GALNT18: variants seen among roughly 807,000 people sequenced by gnomAD.
GALNT18 encodes the protein GalNAc-transferase 18.
Under a neutral mutation model 69.5 loss-of-function variants are expected in GALNT18, and 44 were observed. The observed-to-expected ratio is 0.63, with a 90% confidence interval of 0.50 to 0.81. The LOEUF (loss-of-function observed/expected upper bound fraction) is 0.81. Ranked by LOEUF, GALNT18 falls within the 40% of genes least tolerant of loss-of-function variation. The pLI is 0.00. For synonymous variants in GALNT18, 364 were observed against 318.2 expected (o/e 1.14, Z -1.53); for missense variants, 715 against 810.0 (o/e 0.88, Z 1.42).
intron 3 of GALNT18, among the ~76,000 whole-genome samples, chr11:11,419,183 C>T (rs1223560010): frequency 6.6e-6 from 1 of 152,232 alleles, no homozygotes; most frequent in Non-Finnish European, 1.5e-5. Flanking sequence ...CAGAGTCAGC[C>T]ATGGGGCCAT....
chr11:11,467,132 T>C (rs1048257554), intron 1 of GALNT18, among the ~76,000 whole-genome samples: 11 of 152,232 alleles, frequency 7.2e-5, no homozygotes, highest in African/African-American at 2.6e-4. Context: ...GGGGAGAAGA[T>C]AGACATCACC....
intron 1 of GALNT18, among the ~76,000 whole-genome samples, chr11:11,560,203 A>ACGATGGGATGGGGTG (rs1565012928): frequency 0.037 from 90 of 2,448 alleles, no homozygotes; most frequent in South Asian, 0.047. Context: ...TGGGTGAGAT[A>ACGATGGGATGGGGTG]GAATAGAATG....
rs1439333696 is a variant in GALNT18, at chr11:11,356,729, T to C, written c.1093-15725A>G. Among the ~76,000 whole-genome samples the C allele has an allele frequency of 6.6e-6, 1 of 152,174 alleles. No homozygotes were observed. The highest frequency in any genetic ancestry group is 1.5e-5 in the Non-Finnish European group (1 of 68,034). On this transcript the variant is annotated intron_variant, in intron 6 of 10. Coordinates refer to ENST00000227756, the MANE Select transcript of GALNT18 (RefSeq NM_198516.3). This position sits in a 1 kb window ranked among gnomAD's most constrained non-coding sequence, Gnocchi z 4.4. Reference sequence around the variant, plus strand: ...ATCTCTCTTTTATACAGCTCCCTCATTGAATGCAATTGAAAAAACCAAAGT... The same window carrying C: ...ATCTCTCTTTTATACAGCTCCCTCACTGAATGCAATTGAAAAAACCAAAGT...
intron 1 of GALNT18, among the ~76,000 whole-genome samples, chr11:11,532,376 A>G (rs888383772): frequency 2.6e-5 from 4 of 152,222 alleles, no homozygotes; most frequent in African/African-American, 9.6e-5. Context: ...TCTTCGGATA[A>G]CTATCCTGAA....
intron 6 of GALNT18, among the ~76,000 whole-genome samples, chr11:11,361,158 A>G (rs1850636689): frequency 6.6e-6 from 1 of 152,370 alleles, no homozygotes; most frequent in Non-Finnish European, 1.5e-5. Context: ...TGTTTGAAGG[A>G]TGAATGAATG....
At chr11:11,485,023 G>A (rs1348377885) in intron 1 of GALNT18, among the ~76,000 whole-genome samples, 1 of 152,204 alleles carries the variant, frequency 6.6e-6, no homozygotes, top group Non-Finnish European at 1.5e-5. Flanking sequence ...ACATTTCCAA[G>A]CCATCGGTGA....
intron 10 of GALNT18, among the ~76,000 whole-genome samples, chr11:11,283,230 A>G (rs928242697): frequency 7.2e-5 from 11 of 152,042 alleles, no homozygotes; most frequent in African/African-American, 2.7e-4. Flanking sequence ...TCTCGGCTCA[A>G]TGCAATCCCA....
rs905815795 is a variant in GALNT18 at position 11,396,447 on chromosome 11, G to A, written c.596-17183C>T. On this transcript the variant is annotated intron_variant, in intron 3 of 10. Transcript: ENST00000227756. The surrounding 1 kb of genome is among the most constrained non-coding windows in gnomAD (Gnocchi z 5.2). ...CAGGGATGATGGAGAAAGAATTCACGTGTGGGAGGTACCGATGAATCAGAC... is the reference window on the plus strand; with the variant it reads ...CAGGGATGATGGAGAAAGAATTCACATGTGGGAGGTACCGATGAATCAGAC... Among the ~76,000 whole-genome samples the A allele has an allele frequency of 2.0e-5, 3 of 152,138 alleles. No individual in the cohort carries two copies. The highest frequency in any genetic ancestry group is 7.2e-5 in the African/African-American group (3 of 41,430).
intron 1 of GALNT18, among the ~76,000 whole-genome samples, chr11:11,594,766 C>T (rs1339622163): frequency 6.9e-6 from 1 of 145,826 alleles, no homozygotes; most frequent in Non-Finnish European, 1.5e-5. Context: ...ATTGCTATAA[C>T]CATTTGTGTA....
chr11:11,594,216 C>A (rs1466988607), intron 1 of GALNT18, among the ~76,000 whole-genome samples: 1 of 152,214 alleles, frequency 6.6e-6, no homozygotes, highest in Non-Finnish European at 1.5e-5. Context: ...GTCTTAAATG[C>A]AGAAATGCTT....
chr11:11,490,028 A>C (rs1195101076), intron 1 of GALNT18, among the ~76,000 whole-genome samples: 1 of 152,186 alleles, frequency 6.6e-6, no homozygotes, highest in Non-Finnish European at 1.5e-5. Flanking sequence ...CCAATGTGAC[A>C]GTGTTGGAAC....
At position 11,340,397 on chromosome 11, in the gene GALNT18, T is replaced by C. The variant is rs926917614; in HGVS notation, c.1278+422A>G. ...TTTATAACTCTGGTCAAAGGTTCAA[T>C]GGAGAAGTTTGAACCTAATCTGTAG... On this transcript the variant is annotated intron_variant, in intron 7 of 10. Transcript: ENST00000227756. The surrounding 1 kb of genome is among the most constrained non-coding windows in gnomAD (Gnocchi z 4.2). Among the ~76,000 whole-genome samples the C allele has an allele frequency of 2.4e-4, 36 of 148,894 alleles. No homozygotes were observed. The highest frequency in any genetic ancestry group is 6.7e-4 in the Admixed American group (10 of 14,862).
chr11:11,287,726 A>G (rs1849219376), intron 10 of GALNT18, among the ~76,000 whole-genome samples: 1 of 152,200 alleles, frequency 6.6e-6, no homozygotes, highest in African/African-American at 2.4e-5. Flanking sequence ...CACTGAAGGC[A>G]ACAACTGCCA....
intron 1 of GALNT18, among the ~76,000 whole-genome samples, chr11:11,491,829 C>A (rs1400502704): frequency 6.6e-6 from 1 of 152,148 alleles, no homozygotes; most frequent in African/African-American, 2.4e-5. Flanking sequence ...GACCTCTGAG[C>A]CAGTCACTCC....
chr11:11,392,773 C>T (rs764002052), intron 3 of GALNT18, among the ~76,000 whole-genome samples: 5 of 152,182 alleles, frequency 3.3e-5, no homozygotes, highest in African/African-American at 1.2e-4. Context: ...TCTGCAAGTT[C>T]AACAGCATTA....
Position 11,435,435 on chromosome 11 carries a change from T to C in GALNT18, c.429-2648A>G, listed in dbSNP as rs906643076. ...ATTTGTATAATAAGCTAAGCCCTGCTGATCACGATTTTCACAAGAAAGACT... is the reference window on the plus strand; with the variant it reads ...ATTTGTATAATAAGCTAAGCCCTGCCGATCACGATTTTCACAAGAAAGACT... On this transcript the variant is annotated intron_variant, in intron 2 of 10. Transcript: ENST00000227756. The surrounding 1 kb of genome is among the most constrained non-coding windows in gnomAD (Gnocchi z 4.4). Among the ~76,000 whole-genome samples the C allele has an allele frequency of 1.3e-5, 2 of 152,228 alleles. No homozygotes were observed. Among genetic ancestry groups the C allele is most frequent in the African/African-American group, 4.8e-5 (2 of 41,450 alleles).
At chr11:11,473,535 A>G (rs1856319772) in intron 1 of GALNT18, among the ~76,000 whole-genome samples, 1 of 149,534 alleles carries the variant, frequency 6.7e-6, no homozygotes, top group African/African-American at 2.4e-5. Flanking sequence ...GGGCCTAAAG[A>G]TGGCAGAGTG....
At chr11:11,581,962 G>T (rs140363539) in intron 1 of GALNT18, among the ~76,000 whole-genome samples, 255 of 152,120 alleles carry the variant, frequency 1.7e-3, no homozygotes, top group African/African-American at 5.7e-3. Context: ...CAAAGTCCCT[G>T]CCCCCAGGAT....
intron 1 of GALNT18, among the ~76,000 whole-genome samples, chr11:11,599,720 A>C (rs1398962467): frequency 6.6e-6 from 1 of 151,748 alleles, no homozygotes; most frequent in Non-Finnish European, 1.5e-5. Context: ...TTTCTTGTAC[A>C]TTTTAATTTC....
Sources: gnomAD v4.1 joint callset for allele counts (sites outside exome capture counted in the v4.1 genomes callset) on GRCh38, gnomAD v4.1.1 for gene constraint, Gnocchi (gnomAD v3.1) non-coding constraint, MANE v1.5 for transcripts, NCBI Gene and HGNC (gene_info 2026-07-23, HGNC 2026-07-21) for gene names.